PEBP4: variants seen among roughly 807,000 people sequenced by gnomAD.
PEBP4 encodes phosphatidylethanolamine-binding protein 4.
A neutral mutation model predicts 23.9 loss-of-function variants in PEBP4; 22 were observed. That is an observed-to-expected ratio of 0.92 (90% CI 0.66 to 1.31). PEBP4 has a LOEUF of 1.31. PEBP4 is among the 40% of genes most tolerant of loss of function. The pLI is 0.00. For missense variants in PEBP4, 324 were observed against 281.7 expected, an observed-to-expected ratio of 1.15 and a Z score of -1.07; for synonymous variants, 112 against 99.3, an observed-to-expected ratio of 1.13 and a Z score of -0.76.
intron 6 of PEBP4, among the ~76,000 whole-genome samples, chr8:22,721,708 C>T (rs1804522247): frequency 6.6e-6 from 1 of 152,142 alleles, no homozygotes; most frequent in East Asian, 1.9e-4. Flanking sequence ...CTGCCCCCCT[C>T]CCAACCCCTG....
intron 6 of PEBP4, among the ~76,000 whole-genome samples, chr8:22,715,007 G>A (rs531782418): frequency 6.6e-6 from 1 of 152,370 alleles, no homozygotes; most frequent in Non-Finnish European, 1.5e-5. Flanking sequence ...CAAAAAGGGA[G>A]GACTGTTCCC....
intron 2 of PEBP4, among the ~76,000 whole-genome samples, chr8:22,923,726 T>C (rs1469675246): frequency 6.6e-6 from 1 of 152,160 alleles, no homozygotes; most frequent in Non-Finnish European, 1.5e-5. Context: ...AAGCGGGACT[T>C]GGAAGAGGTG....
At chr8:22,786,074 C>T (rs1208191583) in intron 4 of PEBP4, among the ~76,000 whole-genome samples, 3 of 152,188 alleles carry the variant, frequency 2.0e-5, no homozygotes, top group African/African-American at 7.2e-5. Context: ...AAACTGAATA[C>T]ATCCTGGCTG....
At chr8:22,831,344 C>A (rs375803549) in intron 3 of PEBP4, among the ~76,000 whole-genome samples, 1 of 152,132 alleles carries the variant, frequency 6.6e-6, no homozygotes, top group Non-Finnish European at 1.5e-5. Flanking sequence ...AAGAGTATGA[C>A]CCCCTTGAAA....
At chr8:22,894,610 C>A (rs931525975) in intron 3 of PEBP4, among the ~76,000 whole-genome samples, 11 of 151,998 alleles carry the variant, frequency 7.2e-5, no homozygotes, top group African/African-American at 1.7e-4. Flanking sequence ...GTAATAAATT[C>A]TTGGCTCAAG....
At chr8:22,760,111 C>A (rs1344376674) in intron 4 of PEBP4, among the ~76,000 whole-genome samples, 1 of 152,172 alleles carries the variant, frequency 6.6e-6, no homozygotes, top group Non-Finnish European at 1.5e-5. Flanking sequence ...TTATTACACC[C>A]TAAGCTTTGT....
intron 4 of PEBP4, among the ~76,000 whole-genome samples, chr8:22,804,318 G>A (rs947165418): frequency 1.3e-5 from 2 of 152,082 alleles, no homozygotes; most frequent in Non-Finnish European, 2.9e-5. Flanking sequence ...GCAACAGAAT[G>A]AGACCCTGTC....
chr8:22,870,100 C>T (rs1323692787), intron 3 of PEBP4, among the ~76,000 whole-genome samples: 1 of 152,196 alleles, frequency 6.6e-6, no homozygotes, highest in Non-Finnish European at 1.5e-5. Flanking sequence ...AGACACAAAA[C>T]CTGCACCAGC....
In PEBP4 at chr8:22,723,042, A is replaced by G. The variant is rs1804550852; in HGVS notation, c.517+1801T>C. ...GTGATCCGCCCACCTCAGTCTCCCA[A>G]AGTGCTGGGATTATAGGTGTGAGCC... is the stretch of plus-strand genomic sequence containing the variant. On this transcript the variant is annotated intron_variant, in intron 6 of 6. Transcript: ENST00000256404. 5.3e-5 allele frequency among the ~76,000 whole-genome samples: 8 copies of G among 150,792 alleles called. No individual in the cohort carries two copies. In the South Asian group the frequency reaches 1.7e-3, roughly 32 times the overall value.
chr8:22,894,493 G>A (rs1000080356), intron 3 of PEBP4, among the ~76,000 whole-genome samples: 2 of 152,156 alleles, frequency 1.3e-5, no homozygotes, highest in Non-Finnish European at 2.9e-5. Flanking sequence ...GAGGTGGGAA[G>A]ATTGCTTGAT....
At chr8:22,720,380 A>G (rs181460461) in intron 6 of PEBP4, among the ~76,000 whole-genome samples, 1 of 152,298 alleles carries the variant, frequency 6.6e-6, no homozygotes, top group East Asian at 1.9e-4. Context: ...TGGGCAAGGC[A>G]TTGCGGGTCT....
At chr8:22,901,230 G>A (rs547554044) in intron 3 of PEBP4, among the ~76,000 whole-genome samples, 8 of 152,312 alleles carry the variant, frequency 5.3e-5, no homozygotes, top group African/African-American at 1.4e-4. Flanking sequence ...GAGGCAACAC[G>A]TATTCACTGA....
rs117869021 is a variant in PEBP4 at position 22,937,660 on chromosome 8, G to A, written c.145-9940C>T. 4.4e-3 allele frequency among the ~76,000 whole-genome samples: 664 copies of A among 152,154 alleles called. 3 individuals are homozygous for A. The highest frequency in any genetic ancestry group is 7.1e-3 in the Non-Finnish European group (482 of 67,998). On this transcript the variant is annotated intron_variant, in intron 1 of 1. Transcript: ENST00000522278. ...AAAAGAAAACATAGTTGAAGGACTC[G>A]TACTTTCTGATTACAAAACTTACTA...
chr8:22,822,005 TGAG>T, intron 3 of PEBP4, among the ~76,000 whole-genome samples: 1 of 139,626 alleles, frequency 7.2e-6, no homozygotes, highest in East Asian at 2.0e-4. Context: ...AAAAAGAGGC[TGAG>T]GAGAAGAGAG....
chr8:22,872,738 G>A (rs527616482), intron 3 of PEBP4, among the ~76,000 whole-genome samples: 7 of 152,270 alleles, frequency 4.6e-5, no homozygotes, highest in South Asian at 4.1e-4. Context: ...GTACAGTGGC[G>A]TGATCTGGGC....
intron 3 of PEBP4, among the ~76,000 whole-genome samples, chr8:22,870,435 G>A (rs1391335264): frequency 6.6e-6 from 1 of 152,234 alleles, no homozygotes; most frequent in Non-Finnish European, 1.5e-5. Flanking sequence ...TCAAGAGTGA[G>A]GGAGGGGATG....
intron 4 of PEBP4, among the ~76,000 whole-genome samples, chr8:22,753,804 G>C (rs559928545): frequency 9.3e-4 from 142 of 152,360 alleles, no homozygotes; most frequent in Non-Finnish European, 1.4e-3. Context: ...CCTTGTGTGG[G>C]AGGTGTGAGG....
At chr8:22,820,250 G>A (rs567225959) in intron 3 of PEBP4, among the ~76,000 whole-genome samples, 74 of 152,320 alleles carry the variant, frequency 4.9e-4, no homozygotes, top group African/African-American at 1.7e-3. Flanking sequence ...TCATTTAAGA[G>A]AGTGAGAAAA....
At chr8:22,906,552 T>A (rs1808818515) in intron 3 of PEBP4, among the ~76,000 whole-genome samples, 1 of 152,196 alleles carries the variant, frequency 6.6e-6, no homozygotes, top group African/African-American at 2.4e-5. Flanking sequence ...GAGTCCCACA[T>A]CCACTGGCCA....
Sources: gnomAD v4.1 joint callset for allele counts (sites outside exome capture counted in the v4.1 genomes callset) on GRCh38, gnomAD v4.1.1 for gene constraint, MANE v1.5 for transcripts, NCBI Gene and HGNC (gene_info 2026-07-23, HGNC 2026-07-21) for gene names.